The following ABTB3 variants were observed in gnomAD, a reference collection of about 807,000 sequenced individuals.
ABTB3 encodes the protein ankyrin repeat- and BTB/POZ domain-containing protein 3.
chr12:107,417,050 G>A, the ABTB3 span, among the ~76,000 whole-genome samples: 1 of 152,198 alleles, frequency 6.6e-6, no homozygotes, highest in Non-Finnish European at 1.5e-5. Context: ...ACAACTGAAG[G>A]CGAGGAAATT....
At chr12:107,450,682 G>A in the ABTB3 span, among the ~76,000 whole-genome samples, 2 of 152,178 alleles carry the variant, frequency 1.3e-5, no homozygotes, top group African/African-American at 2.4e-5. Context: ...TGTGATATGC[G>A]TTCAGTTCAT....
At chr12:107,390,631 A>G in the ABTB3 span, among the ~76,000 whole-genome samples, 83 of 152,226 alleles carry the variant, frequency 5.5e-4, no homozygotes, top group Non-Finnish European at 5.6e-4. Flanking sequence ...AGGAAAAGAT[A>G]AAACCAACAA....
the ABTB3 span, among the ~76,000 whole-genome samples, chr12:107,510,704 AGAGCTCAG>A: frequency 6.6e-6 from 1 of 152,052 alleles, no homozygotes. Flanking sequence ...GCGGATCACT[AGAGCTCAG>A]GAGTTTGAGG....
the ABTB3 span, among the ~76,000 whole-genome samples, chr12:107,600,125 A>T: frequency 6.6e-6 from 1 of 152,256 alleles, no homozygotes; most frequent in Non-Finnish European, 1.5e-5. Flanking sequence ...CATCTATAAA[A>T]CAGGGACATG....
chr12:107,643,761 T>TTG, the ABTB3 span, among the ~76,000 whole-genome samples: 2 of 138,574 alleles, frequency 1.4e-5, no homozygotes, highest in Non-Finnish European at 3.1e-5. Flanking sequence ...CCTTTTTTTT[T>TTG]TTTTTTTTTG....
At chr12:107,506,777 C>G in the ABTB3 span, among the ~76,000 whole-genome samples, 1 of 152,088 alleles carries the variant, frequency 6.6e-6, no homozygotes, top group Non-Finnish European at 1.5e-5. Context: ...ATACCTTTAT[C>G]CCCTGTAGAA....
At chr12:107,319,455 G>A in the ABTB3 span, 1 of 1,607,230 alleles carries the variant, frequency 6.2e-7, no homozygotes, top group Non-Finnish European at 8.5e-7. Context: ...GTGCTGTCCT[G>A]GGGCCTGGCC....
the ABTB3 span, among the ~76,000 whole-genome samples, chr12:107,515,208 C>A: frequency 6.6e-6 from 1 of 152,124 alleles, no homozygotes; most frequent in East Asian, 1.9e-4. Flanking sequence ...TTTGCTCAGG[C>A]CTCCAAGTCC....
chr12:107,566,680 C>CACACAA, the ABTB3 span, among the ~76,000 whole-genome samples: 2 of 151,370 alleles, frequency 1.3e-5, no homozygotes, highest in African/African-American at 4.9e-5. Context: ...CACACACACA[C>CACACAA]ACACAAACAT....
chr12:107,578,966 G>A, the ABTB3 span, among the ~76,000 whole-genome samples: 2 of 152,220 alleles, frequency 1.3e-5, no homozygotes, highest in African/African-American at 2.4e-5. Context: ...AGCTGCGGCG[G>A]GAGCCGTGAT....
the ABTB3 span, among the ~76,000 whole-genome samples, chr12:107,624,378 A>G: frequency 2.2e-4 from 34 of 152,126 alleles, no homozygotes; most frequent in African/African-American, 8.2e-4. Flanking sequence ...CAACGGCAAT[A>G]TCTTGCAAAA....
At chr12:107,413,617 T>TA in the ABTB3 span, among the ~76,000 whole-genome samples, 16 of 151,406 alleles carry the variant, frequency 1.1e-4, no homozygotes, top group South Asian at 4.2e-4. Context: ...AGGTGTTATG[T>TA]AAAAAAAAAG....
At chr12:107,349,819 G>A in the ABTB3 span, among the ~76,000 whole-genome samples, 1 of 152,198 alleles carries the variant, frequency 6.6e-6, no homozygotes, top group Admixed American at 6.5e-5. Flanking sequence ...TTTAAAAAAT[G>A]CCTTTCTTGG....
At chr12:107,532,130 A>C in the ABTB3 span, among the ~76,000 whole-genome samples, 3 of 152,204 alleles carry the variant, frequency 2.0e-5, no homozygotes, top group Non-Finnish European at 4.4e-5. Flanking sequence ...AGACAAGACC[A>C]CCAGCATCAG....
At chr12:107,584,759 A>G in the ABTB3 span, among the ~76,000 whole-genome samples, 1 of 152,226 alleles carries the variant, frequency 6.6e-6, no homozygotes, top group Admixed American at 6.5e-5. Context: ...TGGCACTGCC[A>G]TTGATTTTCA....
At chr12:107,510,125 G>C in the ABTB3 span, among the ~76,000 whole-genome samples, 3 of 152,178 alleles carry the variant, frequency 2.0e-5, no homozygotes, top group Non-Finnish European at 2.9e-5. Context: ...AACCCGGCCA[G>C]GTCCGTCCGA....
the ABTB3 span, among the ~76,000 whole-genome samples, chr12:107,509,170 G>A: frequency 7.2e-5 from 11 of 152,168 alleles, no homozygotes; most frequent in Admixed American, 5.9e-4. Flanking sequence ...TGTCACCCAG[G>A]ACTCTGTGGG....
chr12:107,516,163 T>C, the ABTB3 span, among the ~76,000 whole-genome samples: 1 of 152,066 alleles, frequency 6.6e-6, no homozygotes, highest in African/African-American at 2.4e-5. Flanking sequence ...GAAAATCCAT[T>C]GACTAATTTC....
At chr12:107,540,575 T>C in the ABTB3 span, among the ~76,000 whole-genome samples, 1 of 152,210 alleles carries the variant, frequency 6.6e-6, no homozygotes, top group South Asian at 2.1e-4. Flanking sequence ...GGCCCTGATC[T>C]GTTGGCCAGG....
Sources: allele counts gnomAD v4.1 joint callset (sites outside exome capture counted in the v4.1 genomes callset), GRCh38; gene constraint gnomAD v4.1.1; transcripts MANE v1.5; gene names NCBI Gene and HGNC (gene_info 2026-07-23, HGNC 2026-07-21).